MON2: variants seen among roughly 807,000 people sequenced by gnomAD.
MON2 encodes MON2 regulator of endosome-to-Golgi trafficking.
A neutral mutation model predicts 208.6 loss-of-function variants in MON2; 84 were observed. The observed-to-expected ratio is 0.40, with a 90% CI of 0.34 to 0.48. The LOEUF (loss-of-function observed/expected upper bound fraction) is 0.48. Among genes scored for constraint, MON2 ranks in the 20% least tolerant of loss-of-function variants. The pLI is 0.59. For missense variants in MON2, 1,611 were observed against 2,015.4 expected (o/e 0.80, Z 3.84); for synonymous variants, 660 against 694.0 (o/e 0.95, Z 0.77).
intron 31 of MON2, among the ~76,000 whole-genome samples, chr12:62,579,526 A>G (rs2074924861): frequency 6.6e-6 from 1 of 151,372 alleles, no homozygotes; most frequent in African/African-American, 2.4e-5. Flanking sequence ...GATTGAGACC[A>G]TCCTGGTTAA....
chr12:62,519,572 TAAAG>T (rs572321235), intron 8 of MON2, among the ~76,000 whole-genome samples: 1 of 152,338 alleles, frequency 6.6e-6, no homozygotes, highest in East Asian at 1.9e-4. Flanking sequence ...AATTATGTTT[TAAAG>T]AAAAAATTAT....
intron 8 of MON2, among the ~76,000 whole-genome samples, chr12:62,514,465 G>A (rs1166786251): frequency 6.6e-6 from 1 of 152,230 alleles, no homozygotes; most frequent in Non-Finnish European, 1.5e-5. Context: ...CAATCTTGGA[G>A]GAAGGTGAAA....
At position 62,565,257 on chromosome 12, in the gene MON2, A is replaced by G; in HGVS notation, c.4053A>G (p.Glu1351=). The G allele has an allele frequency of 6.2e-7, 1 of 1,612,700 alleles. No individual in the cohort carries two copies. Among genetic ancestry groups the G allele is most frequent in the Non-Finnish European group, 8.5e-7 (1 of 1,179,302 alleles). The change falls in exon 27 of 35, where the codon GAA becomes GAG. Residue 1351 remains glutamate (E), a synonymous_variant. Coordinates refer to ENST00000393630, the MANE Select transcript of MON2 (RefSeq NM_015026.3). ...VLQKAICVGP[E]NMQIMYPAIF... is the part of the protein sequence containing the mutation. Reference sequence around the variant, plus strand: ...TATAGGCCATTTGTGTAGGACCAGAAAACATGCAGATAATGTATCCAGCTA... The same window carrying G: ...TATAGGCCATTTGTGTAGGACCAGAGAACATGCAGATAATGTATCCAGCTA...
chr12:62,534,247 G>A (rs962259293), intron 12 of MON2, among the ~76,000 whole-genome samples: 5 of 151,168 alleles, frequency 3.3e-5, no homozygotes, highest in African/African-American at 1.2e-4. Flanking sequence ...ATGGCTGGGC[G>A]TGGTGGCTCA....
intron 1 of MON2, chr12:62,470,703 A>G: frequency 1.7e-6 from 2 of 1,152,434 alleles, no homozygotes; most frequent in Non-Finnish European, 2.2e-6. Flanking sequence ...ATTTGCAGGT[A>G]CAGATGAGGG....
At chr12:62,520,832 T>G (rs1217189555) in intron 8 of MON2, among the ~76,000 whole-genome samples, 1 of 147,214 alleles carries the variant, frequency 6.8e-6, no homozygotes, top group Admixed American at 6.8e-5. Context: ...AGATATTATA[T>G]GTATAATAAT....
intron 1 of MON2, among the ~76,000 whole-genome samples, chr12:62,472,016 G>C (rs554147460): frequency 6.6e-6 from 1 of 152,170 alleles, no homozygotes; most frequent in Non-Finnish European, 1.5e-5. Context: ...AAAGAAGTAG[G>C]GGGTGGCAAG....
chr12:62,527,809 A>C (rs1480199832), intron 11 of MON2, among the ~76,000 whole-genome samples: 1 of 151,950 alleles, frequency 6.6e-6, no homozygotes, highest in African/African-American at 2.4e-5. Flanking sequence ...GAGCAGACAC[A>C]TAAAGGGAGG....
At chr12:62,585,581 T>A in intron 33 of MON2, 80 bp downstream of exon 33, 1 of 1,183,994 alleles carries the variant, frequency 8.4e-7, no homozygotes, top group Non-Finnish European at 1.2e-6. Context: ...GAAAAGCAAG[T>A]GTTTTTGTAA....
intron 11 of MON2, among the ~76,000 whole-genome samples, chr12:62,529,809 C>T (rs1242710448): frequency 6.6e-6 from 1 of 151,960 alleles, no homozygotes; most frequent in East Asian, 1.9e-4. Flanking sequence ...TGGAATCACA[C>T]AATAAATGTT....
At chr12:62,551,581 C>T (rs1414178277) in intron 23 of MON2, among the ~76,000 whole-genome samples, 1 of 152,090 alleles carries the variant, frequency 6.6e-6, no homozygotes, top group Non-Finnish European at 1.5e-5. Flanking sequence ...ACAAAGTGAT[C>T]ACATGCTGCT....
intron 12 of MON2, among the ~76,000 whole-genome samples, chr12:62,533,231 A>G (rs187505018): frequency 6.6e-6 from 1 of 152,294 alleles, no homozygotes; most frequent in East Asian, 1.9e-4. Flanking sequence ...GTATCATTAC[A>G]TTAGGAAGCA....
At chr12:62,475,060 T>C (rs2068994268) in intron 1 of MON2, among the ~76,000 whole-genome samples, 1 of 152,214 alleles carries the variant, frequency 6.6e-6, no homozygotes. Context: ...ACTCTACTTA[T>C]AGGACTCTAA....
chr12:62,478,645 T>G (rs2069225285), intron 1 of MON2, among the ~76,000 whole-genome samples: 1 of 152,248 alleles, frequency 6.6e-6, no homozygotes, highest in Non-Finnish European at 1.5e-5. Context: ...TATTTATATA[T>G]ACATGTAAAT....
At chr12:62,537,480 C>A in intron 15 of MON2, 122 bp from the exon 16 acceptor site, 1 of 770,902 alleles carries the variant, frequency 1.3e-6, no homozygotes, top group Non-Finnish European at 2.0e-6. Context: ...ATAAAACCTT[C>A]CAAATCTTTT....
chr12:62,552,395 C>A (rs571103932), intron 23 of MON2, among the ~76,000 whole-genome samples: 26 of 152,044 alleles, frequency 1.7e-4, no homozygotes, highest in Non-Finnish European at 1.3e-4. Flanking sequence ...GTACTGGATT[C>A]TCTACATTTT....
intron 8 of MON2, among the ~76,000 whole-genome samples, chr12:62,523,573 G>T (rs1040002364): frequency 1.8e-4 from 28 of 152,100 alleles, no homozygotes; most frequent in Admixed American, 4.6e-4. Flanking sequence ...TAAGCATCCA[G>T]TTAAAGATAC....
chr12:62,586,592 T>G (rs1276504346), intron 33 of MON2, among the ~76,000 whole-genome samples: 1 of 152,206 alleles, frequency 6.6e-6, no homozygotes, highest in Non-Finnish European at 1.5e-5. Flanking sequence ...ATTTCTTCTT[T>G]TAGGATCCAG....
At chr12:62,507,236 T>A (rs1323047889) in intron 7 of MON2, among the ~76,000 whole-genome samples, 1 of 152,186 alleles carries the variant, frequency 6.6e-6, no homozygotes, top group African/African-American at 2.4e-5. Flanking sequence ...AAATTTTCTC[T>A]CCTCAGCTAC....
Sources: allele counts gnomAD v4.1 joint callset (sites outside exome capture counted in the v4.1 genomes callset), GRCh38; gene constraint gnomAD v4.1.1; transcripts MANE v1.5; gene names NCBI Gene and HGNC (gene_info 2026-07-23, HGNC 2026-07-21).